The following GAS7 variants were observed in gnomAD, a reference collection of about 807,000 sequenced individuals.
GAS7 encodes the protein growth arrest-specific protein 7.
A neutral mutation model predicts 71.1 loss-of-function variants in GAS7; 28 were observed. That is an observed-to-expected ratio of 0.39 (90% CI 0.29 to 0.54). The LOEUF is 0.54. Among genes scored for constraint, GAS7 ranks in the 20% least tolerant of loss-of-function variants. The pLI, the probability that GAS7 is intolerant of heterozygous loss-of-function variation, is 0.62. For missense variants in GAS7, 436 were observed against 627.8 expected (o/e 0.69, Z 3.27); for synonymous variants, 258 against 245.8 (o/e 1.05, Z -0.46).
intron 1 of GAS7, among the ~76,000 whole-genome samples, chr17:10,023,949 C>A (rs1003575164): frequency 6.6e-6 from 1 of 152,034 alleles, no homozygotes; most frequent in African/African-American, 2.4e-5. Context: ...CCTGGTGAAA[C>A]CCTGCATCTA....
chr17:10,018,524 G>A (rs2072129894), intron 2 of GAS7, among the ~76,000 whole-genome samples: 1 of 152,206 alleles, frequency 6.6e-6, no homozygotes, highest in African/African-American at 2.4e-5. Flanking sequence ...ACAGTGCAAA[G>A]CTGTTCATGT....
intron 1 of GAS7, among the ~76,000 whole-genome samples, chr17:10,075,504 A>G (rs1372509679): frequency 1.3e-5 from 2 of 152,182 alleles, no homozygotes; most frequent in African/African-American, 4.8e-5. Flanking sequence ...ACAGTGAGGC[A>G]ACAAAAAGAA....
At chr17:10,072,126 T>C (rs922317700) in intron 1 of GAS7, among the ~76,000 whole-genome samples, 1 of 151,826 alleles carries the variant, frequency 6.6e-6, no homozygotes, top group African/African-American at 2.4e-5. Context: ...AGAAATGCCC[T>C]AGGAAGCCCC....
At position 10,071,357 on chromosome 17, in the gene GAS7, A is replaced by G. The variant is rs1232808724; in HGVS notation, c.184-51460T>C. Reference sequence around the variant, plus strand: ...CACCCTGGGTCTGTGCCCAGGATACATTATTTTCCCAGAGCTGGCTGTAGG... The same window carrying G: ...CACCCTGGGTCTGTGCCCAGGATACGTTATTTTCCCAGAGCTGGCTGTAGG... On this transcript the variant is annotated intron_variant, in intron 1 of 13. Transcript: ENST00000432992. Among the ~76,000 whole-genome samples the G allele has an allele frequency of 2.6e-5, 4 of 152,286 alleles. No homozygotes were observed. The East Asian group carries it at 7.7e-4, about 29-fold the overall frequency.
Position 10,032,827 on chromosome 17 carries a change from A to C in GAS7, c.184-12930T>G, listed in dbSNP as rs934408803. On this transcript the variant is annotated intron_variant, in intron 1 of 13. Transcript: ENST00000432992. ...GGTCTAGATACCCTTTCATTTACTC[A>C]ACCAAATCTGACTTAGAATCGGTGG... 2.6e-5 allele frequency among the ~76,000 whole-genome samples: 4 copies of C among 152,212 alleles called. No homozygotes were observed. In the South Asian group the frequency reaches 8.3e-4, roughly 32 times the overall value.
chr17:10,187,118 T>A (rs1370867313), intron 1 of GAS7, among the ~76,000 whole-genome samples: 2 of 152,128 alleles, frequency 1.3e-5, no homozygotes, highest in African/African-American at 4.8e-5. Context: ...TAAAGTTAGG[T>A]GTGGCTGTGC....
chr17:10,035,676 C>T (rs542064992), intron 1 of GAS7, among the ~76,000 whole-genome samples: 15 of 152,138 alleles, frequency 9.9e-5, no homozygotes, highest in Non-Finnish European at 1.5e-4. Flanking sequence ...AGAGTGATCA[C>T]CACTCTCTTG....
At chr17:10,187,366 T>C (rs1352569977) in intron 1 of GAS7, among the ~76,000 whole-genome samples, 7 of 152,222 alleles carry the variant, frequency 4.6e-5, no homozygotes, top group Non-Finnish European at 1.0e-4. Context: ...TAACCCATCC[T>C]GACCCATATA....
At chr17:10,070,692 G>A (rs1175302682) in intron 1 of GAS7, among the ~76,000 whole-genome samples, 2 of 151,874 alleles carry the variant, frequency 1.3e-5, no homozygotes, top group Admixed American at 6.6e-5. Flanking sequence ...GTTTTCATGG[G>A]TTCTGCTCAG....
At chr17:10,008,789 ACACACACG>A (rs753918022) in intron 2 of GAS7, among the ~76,000 whole-genome samples, 15 of 152,102 alleles carry the variant, frequency 9.9e-5, no homozygotes, top group African/African-American at 2.2e-4. Context: ...TCTCTCTCAC[ACACACACG>A]CACACACGCA....
intron 1 of GAS7, among the ~76,000 whole-genome samples, chr17:10,176,528 T>C (rs2074375257): frequency 6.6e-6 from 1 of 152,336 alleles, no homozygotes; most frequent in South Asian, 2.1e-4. Context: ...CACCACCCTT[T>C]TGACAGCTGA....
intron 1 of GAS7, among the ~76,000 whole-genome samples, chr17:10,099,579 G>A (rs1203100491): frequency 6.6e-6 from 1 of 151,982 alleles, no homozygotes; most frequent in Non-Finnish European, 1.5e-5. Flanking sequence ...TTTTTGGACG[G>A]CGGGGGAGTG....
At chr17:10,161,105 G>A (rs1362020575) in intron 1 of GAS7, among the ~76,000 whole-genome samples, 1 of 152,104 alleles carries the variant, frequency 6.6e-6, no homozygotes, top group East Asian at 1.9e-4. Context: ...TTTGTTTGCG[G>A]TTTTTGTTTG....
At chr17:10,041,767 T>C (rs1003308576) in intron 1 of GAS7, among the ~76,000 whole-genome samples, 9 of 152,144 alleles carry the variant, frequency 5.9e-5, no homozygotes, top group African/African-American at 2.2e-4. Flanking sequence ...AATAGATAGG[T>C]TGCTACATAT....
At chr17:9,977,340 CA>C (rs1193310380) in intron 3 of GAS7, among the ~76,000 whole-genome samples, 1 of 152,216 alleles carries the variant, frequency 6.6e-6, no homozygotes, top group Admixed American at 6.5e-5. Flanking sequence ...TTCTACTGGA[CA>C]ACACTGCCCT....
At chr17:10,018,773 A>AC (rs562172063) in intron 2 of GAS7, among the ~76,000 whole-genome samples, 2 of 152,032 alleles carry the variant, frequency 1.3e-5, no homozygotes, top group Non-Finnish European at 2.9e-5. Flanking sequence ...TAGTAACGAT[A>AC]CCCCCAGGTG....
At chr17:10,120,283 C>T (rs1353716513) in intron 1 of GAS7, among the ~76,000 whole-genome samples, 3 of 152,186 alleles carry the variant, frequency 2.0e-5, no homozygotes, top group Non-Finnish European at 2.9e-5. Context: ...GAAATGCTTC[C>T]GCTCTCATCT....
At chr17:10,178,852 C>T (rs4128645) in intron 1 of GAS7, among the ~76,000 whole-genome samples, 8,834 of 151,506 alleles carry the variant, frequency 0.058, 336 homozygotes, top group South Asian at 0.11. Flanking sequence ...TTTCTTTGTT[C>T]GCTGGTTAAC....
chr17:9,985,808 T>C (rs2070624516), intron 2 of GAS7, among the ~76,000 whole-genome samples: 1 of 152,200 alleles, frequency 6.6e-6, no homozygotes, highest in African/African-American at 2.4e-5. Context: ...TGAAGGCCCC[T>C]CCCAGCTCAG....
Sources: gnomAD v4.1 joint callset for allele counts (sites outside exome capture counted in the v4.1 genomes callset) on GRCh38, gnomAD v4.1.1 for gene constraint, MANE v1.5 for transcripts, NCBI Gene and HGNC (gene_info 2026-07-23, HGNC 2026-07-21) for gene names.